The following IL1RAPL1 variants were observed in gnomAD, a reference collection of about 807,000 sequenced individuals.
IL1RAPL1 encodes interleukin 1 receptor accessory protein like 1.
IL1RAPL1 carries 3 observed loss-of-function variants against 48.4 expected under a neutral mutation model. That is an observed-to-expected ratio of 0.06 (90% CI 0.03 to 0.16). The LOEUF (loss-of-function observed/expected upper bound fraction) is 0.16. Ranked by LOEUF, IL1RAPL1 falls within the 10% of genes least tolerant of loss-of-function variation. IL1RAPL1 has a pLI of 1.00. For missense variants in IL1RAPL1, 349 were observed against 530.6 expected (o/e 0.66, Z 3.36); for synonymous variants, 185 against 187.7 (o/e 0.99, Z 0.12).
chrX:29,627,555 A>G (rs778334303), intron 5 of IL1RAPL1, among the ~76,000 whole-genome samples: 2 of 112,068 alleles, frequency 1.8e-5, no homozygotes, highest in Admixed American at 9.5e-5. Context: ...TTTGTAGTCA[A>G]TGCCAAAGAA....
chrX:29,216,557 A>G (rs1930873293), intron 2 of IL1RAPL1, among the ~76,000 whole-genome samples: 1 of 111,591 alleles, frequency 9.0e-6, no homozygotes, highest in African/African-American at 3.3e-5. Context: ...CACATATACA[A>G]TACTGTAACA....
At chrX:29,380,195 C>G (rs1933678360) in intron 3 of IL1RAPL1, among the ~76,000 whole-genome samples, 1 of 108,273 alleles carries the variant, frequency 9.2e-6, no homozygotes, top group Non-Finnish European at 1.9e-5. Context: ...GGGAAACAGA[C>G]ACACTCAAAT....
chrX:29,322,788 A>C (rs1298330875), intron 3 of IL1RAPL1, among the ~76,000 whole-genome samples: 1 of 111,113 alleles, frequency 9.0e-6, no homozygotes, highest in East Asian at 2.8e-4. Flanking sequence ...CCAGAGTTCG[A>C]GAACAGGAAC....
At chrX:29,002,527 GT>G (rs1165691436) in intron 2 of IL1RAPL1, among the ~76,000 whole-genome samples, 1 of 106,006 alleles carries the variant, frequency 9.4e-6, no homozygotes, top group Non-Finnish European at 1.9e-5. Flanking sequence ...CTATATGTAT[GT>G]TTTTTTAAAG....
chrX:29,739,759 G>C (rs1343469586), intron 6 of IL1RAPL1, among the ~76,000 whole-genome samples: 1 of 110,747 alleles, frequency 9.0e-6, no homozygotes, highest in African/African-American at 3.3e-5. Flanking sequence ...GTTTTAGTCA[G>C]TTTAGAAGTA....
intron 9 of IL1RAPL1, among the ~76,000 whole-genome samples, chrX:29,951,272 G>C (rs369775524): frequency 8.9e-6 from 1 of 112,198 alleles, no homozygotes; most frequent in Non-Finnish European, 1.9e-5. Context: ...CTGAGCTAAG[G>C]ATCTCATAGT....
intron 5 of IL1RAPL1, among the ~76,000 whole-genome samples, chrX:29,412,112 A>C (rs771230654): frequency 9.0e-6 from 1 of 110,914 alleles, no homozygotes; most frequent in South Asian, 3.9e-4. Context: ...CTCTACTAAA[A>C]ATACAAAAGT....
chrX:29,087,593 A>G (rs746877650), intron 2 of IL1RAPL1, among the ~76,000 whole-genome samples: 7 of 112,595 alleles, frequency 6.2e-5, no homozygotes, highest in Admixed American at 9.4e-5. Flanking sequence ...AAGTCACTGA[A>G]CAACAATAAT....
rs747013775 is a variant in IL1RAPL1 at position 29,873,980 on chromosome X, A to G, written c.779-43484A>G. ...GACATCTTATAAAAGCAAAACACAA[A>G]TTGCAGTTTTAAAATGCTATTGCTC... On this transcript the variant is annotated intron_variant, in intron 6 of 10. Transcript: ENST00000378993. Among the ~76,000 whole-genome samples the G allele has an allele frequency of 2.7e-5, 3 of 112,072 alleles. No homozygotes were observed. The South Asian group carries it at 1.1e-3, about 42-fold the overall frequency.
Position 29,305,286 on chromosome X carries a change from A to G in IL1RAPL1, c.362+22069A>G, listed in dbSNP as rs981187246. Among the ~76,000 whole-genome samples, 3 of 112,177 alleles carry G rather than the reference A, an allele frequency of 2.7e-5. No individual in the cohort carries two copies. In the Admixed American group the frequency reaches 2.8e-4, roughly 11 times the overall value. ...TGTGGAGACATAGAACATAAACCTCAATTCACCCATGGTAGACATGTAGCT... is the reference window on the plus strand; with the variant it reads ...TGTGGAGACATAGAACATAAACCTCGATTCACCCATGGTAGACATGTAGCT... On this transcript the variant is annotated intron_variant, in intron 3 of 10. Coordinates refer to ENST00000378993, the MANE Select transcript of IL1RAPL1 (RefSeq NM_014271.4).
intron 2 of IL1RAPL1, among the ~76,000 whole-genome samples, chrX:29,225,879 A>G (rs1482249460): frequency 9.0e-6 from 1 of 111,689 alleles, no homozygotes; most frequent in South Asian, 3.8e-4. Context: ...GGAATTTACA[A>G]TTGCAAATTT....
intron 1 of IL1RAPL1, among the ~76,000 whole-genome samples, chrX:28,669,834 C>T (rs5985888): frequency 0.32 from 33,297 of 103,883 alleles, 4,249 homozygotes; most frequent in Middle Eastern, 0.46. Flanking sequence ...GAAATAATAA[C>T]AATTCGAGTT....
In IL1RAPL1 at chrX:29,884,641, A is replaced by G. The variant is rs1461294927; in HGVS notation, c.779-32823A>G. Among the ~76,000 whole-genome samples the G allele has an allele frequency of 3.6e-5, 4 of 110,752 alleles. No individual in the cohort carries two copies. The East Asian group carries it at 8.6e-4, about 24-fold the overall frequency. ...ATATACTCTGCCCTGACATTTCTCA[A>G]ATCTTGCATACCTAACTGTCTATCC... is the stretch of plus-strand genomic sequence containing the variant. On this transcript the variant is annotated intron_variant, in intron 6 of 10. Transcript: ENST00000378993.
At chrX:28,631,411 C>T (rs1281716261) in intron 1 of IL1RAPL1, among the ~76,000 whole-genome samples, 5 of 111,343 alleles carry the variant, frequency 4.5e-5, no homozygotes, top group African/African-American at 6.5e-5. Context: ...AAGAGGTGTC[C>T]GATACAAAGA....
chrX:29,909,208 C>T (rs1038269148), intron 6 of IL1RAPL1, among the ~76,000 whole-genome samples: 12 of 110,981 alleles, frequency 1.1e-4, no homozygotes, highest in African/African-American at 3.3e-4. Flanking sequence ...GACCCTGTCT[C>T]TATTTAAAAA....
chrX:28,810,402 A>G (rs1468665147), intron 2 of IL1RAPL1, among the ~76,000 whole-genome samples: 9 of 110,965 alleles, frequency 8.1e-5, no homozygotes, highest in African/African-American at 2.9e-4. Context: ...TGATTCAATA[A>G]TACGTAATTA....
At chrX:29,636,929 C>A (rs1045903464) in intron 5 of IL1RAPL1, among the ~76,000 whole-genome samples, 2 of 109,373 alleles carry the variant, frequency 1.8e-5, no homozygotes, top group Middle Eastern at 4.7e-3. Flanking sequence ...TGGCACATGC[C>A]TGTAATACAG....
intron 8 of IL1RAPL1, among the ~76,000 whole-genome samples, chrX:29,940,160 G>A (rs975555801): frequency 9.0e-6 from 1 of 111,233 alleles, no homozygotes; most frequent in South Asian, 3.8e-4. Flanking sequence ...ACCGTGCCCA[G>A]TCTGAGGACT....
At chrX:29,707,892 A>G (rs1927242760) in intron 6 of IL1RAPL1, among the ~76,000 whole-genome samples, 1 of 109,908 alleles carries the variant, frequency 9.1e-6, no homozygotes, top group Admixed American at 9.8e-5. Flanking sequence ...TCACCTCTAT[A>G]GGATTTATGT....
Sources: allele counts gnomAD v4.1 joint callset (sites outside exome capture counted in the v4.1 genomes callset), GRCh38; gene constraint gnomAD v4.1.1; transcripts MANE v1.5; gene names NCBI Gene and HGNC (gene_info 2026-07-23, HGNC 2026-07-21).